Variants in CAP2 observed in about 807,000 individuals in gnomAD.
CAP2 encodes the protein adenylyl cyclase-associated protein 2.
CAP2 carries 24 observed loss-of-function variants against 57.7 expected under a neutral mutation model. The ratio of observed to expected loss-of-function variants is 0.42; its 90% CI spans 0.30 to 0.58. The LOEUF is 0.58. CAP2 is among the 20% of genes least tolerant of loss of function. The pLI, the probability that CAP2 is intolerant of heterozygous loss-of-function variation, is 0.22. For missense variants in CAP2, 501 were observed against 590.3 expected (o/e 0.85, Z 1.57); for synonymous variants, 194 against 207.2 (o/e 0.94, Z 0.55).
intron 4 of CAP2, among the ~76,000 whole-genome samples, chr6:17,489,789 T>C (rs1485043129): frequency 1.3e-5 from 2 of 151,976 alleles, no homozygotes; most frequent in Non-Finnish European, 2.9e-5. Flanking sequence ...GGGAAAACTG[T>C]AGTGAGCAAA....
At chr6:17,444,804 C>CCACACA (rs142931025) in intron 3 of CAP2, among the ~76,000 whole-genome samples, 36,537 of 140,198 alleles carry the variant, frequency 0.26, 5,101 homozygotes, top group East Asian at 0.4. Context: ...TTCTCTCTCT[C>CCACACA]CACACACACA....
intron 4 of CAP2, among the ~76,000 whole-genome samples, chr6:17,498,804 C>A (rs1176527425): frequency 1.3e-5 from 2 of 152,046 alleles, no homozygotes; most frequent in Non-Finnish European, 2.9e-5. Flanking sequence ...TCTCTGCTCA[C>A]CGCAAGCTCC....
intron 3 of CAP2, among the ~76,000 whole-genome samples, chr6:17,436,731 G>A (rs932702365): frequency 6.6e-6 from 1 of 152,026 alleles, no homozygotes; most frequent in Non-Finnish European, 1.5e-5. Context: ...GAGAATCCAG[G>A]AGCCAAGGAG....
chr6:17,474,185 C>CT (rs544909381), intron 4 of CAP2, among the ~76,000 whole-genome samples: 2,307 of 93,204 alleles, frequency 0.025, 91 homozygotes, highest in African/African-American at 0.029. Flanking sequence ...AAAAAACAGT[C>CT]TTTTTTTTTT....
In CAP2 at chr6:17,553,979, T is replaced by C. The variant is rs140265892; in HGVS notation, c.1350+2375T>C. 2.6e-5 allele frequency among the ~76,000 whole-genome samples: 4 copies of C among 152,322 alleles called. No individual in the cohort carries two copies. The East Asian group carries it at 7.7e-4, about 29-fold the overall frequency. The stretch of plus-strand genomic sequence containing the variant: ...ATCCAGAAGAGCCCCAGAAGGAATA[T>C]TGGCTGCACAAACACACACGTTATT... On this transcript the variant is annotated intron_variant, in intron 12 of 12. Coordinates refer to ENST00000229922, the MANE Select transcript of CAP2 (RefSeq NM_006366.3).
chr6:17,493,825 C>T (rs1761600803), intron 4 of CAP2, among the ~76,000 whole-genome samples: 2 of 151,428 alleles, frequency 1.3e-5, no homozygotes, highest in Non-Finnish European at 2.9e-5. Flanking sequence ...AGATATTACT[C>T]ATCAGTTGTG....
At chr6:17,498,021 CCT>C (rs1266932272) in intron 4 of CAP2, among the ~76,000 whole-genome samples, 1 of 152,204 alleles carries the variant, frequency 6.6e-6, no homozygotes, top group African/African-American at 2.4e-5. Flanking sequence ...CTTGACTTTT[CCT>C]CTCACATAAC....
chr6:17,424,075 A>T (rs947775815), intron 2 of CAP2, among the ~76,000 whole-genome samples: 1 of 150,500 alleles, frequency 6.6e-6, no homozygotes, highest in Admixed American at 6.6e-5. Context: ...AACAAAAGTT[A>T]TTTTTTTTTT....
chr6:17,450,010 C>T (rs953221792), intron 3 of CAP2, among the ~76,000 whole-genome samples: 1 of 151,894 alleles, frequency 6.6e-6, no homozygotes, highest in Non-Finnish European at 1.5e-5. Flanking sequence ...AAACAACCCA[C>T]AGAAATCATC....
intron 3 of CAP2, among the ~76,000 whole-genome samples, chr6:17,433,870 C>T (rs1432241954): frequency 1.3e-5 from 2 of 152,154 alleles, no homozygotes; most frequent in African/African-American, 2.4e-5. Flanking sequence ...AAGTTTGTTT[C>T]TAGAGCATAC....
rs1002775548 is a variant in CAP2, at chr6:17,547,220, AT to A, written c.1209+4078del. On this transcript the variant is annotated intron_variant, in intron 11 of 12. Coordinates refer to ENST00000229922, the MANE Select transcript of CAP2 (RefSeq NM_006366.3). ...ATTTATTGTACTTTATTAGGAGAAA[AT>A]AACAGTCTTATACCATTATGTAGAG... Among the ~76,000 whole-genome samples, 16 of 152,222 alleles carry A rather than the reference AT, an allele frequency of 1.1e-4. No individual in the cohort carries two copies. The East Asian group carries it at 2.7e-3, about 26-fold the overall frequency.
intron 1 of CAP2, among the ~76,000 whole-genome samples, chr6:17,396,252 A>G (rs1758661175): frequency 6.6e-6 from 1 of 152,214 alleles, no homozygotes; most frequent in South Asian, 2.1e-4. Context: ...CAGTTCTTCA[A>G]ATTAAACATA....
At chr6:17,507,436 T>G in intron 5 of CAP2, 124 bp downstream of exon 5, 1 of 1,026,002 alleles carries the variant, frequency 9.7e-7, no homozygotes, top group Non-Finnish European at 1.5e-6. Flanking sequence ...GCTGAATGCA[T>G]CCACTTTCTC....
intron 3 of CAP2, among the ~76,000 whole-genome samples, chr6:17,447,522 G>A (rs1298430717): frequency 2.0e-5 from 3 of 152,060 alleles, no homozygotes; most frequent in East Asian, 2.0e-4. Context: ...TTTCTGAGAC[G>A]GAGTCTTGCT....
intron 11 of CAP2, among the ~76,000 whole-genome samples, chr6:17,550,946 GAA>G: frequency 6.6e-6 from 1 of 152,230 alleles, no homozygotes; most frequent in Middle Eastern, 3.4e-3. Context: ...GGACTTATGT[GAA>G]AAGAATGGTA....
At chr6:17,482,063 G>C (rs1310688137) in intron 4 of CAP2, among the ~76,000 whole-genome samples, 1 of 152,162 alleles carries the variant, frequency 6.6e-6, no homozygotes, top group South Asian at 2.1e-4. Flanking sequence ...TGTTATCTCT[G>C]TTCCTAATTT....
chr6:17,470,102 C>T (rs972325663), intron 4 of CAP2, among the ~76,000 whole-genome samples: 1 of 152,180 alleles, frequency 6.6e-6, no homozygotes, highest in East Asian at 1.9e-4. Context: ...ATTTTCTACT[C>T]ATTAGCTCTG....
intron 3 of CAP2, among the ~76,000 whole-genome samples, chr6:17,447,121 C>T (rs1760279105): frequency 6.6e-6 from 1 of 150,536 alleles, no homozygotes; most frequent in South Asian, 2.1e-4. Flanking sequence ...CTCCTGGGCT[C>T]AAGAGATCCT....
At chr6:17,398,084 A>G (rs1402939537) in intron 1 of CAP2, among the ~76,000 whole-genome samples, 1 of 152,234 alleles carries the variant, frequency 6.6e-6, no homozygotes, top group Non-Finnish European at 1.5e-5. Context: ...CAACGTTTTA[A>G]GAAGTGTGGA....
Sources: gnomAD v4.1 joint callset for allele counts (sites outside exome capture counted in the v4.1 genomes callset) on GRCh38, gnomAD v4.1.1 for gene constraint, MANE v1.5 for transcripts, NCBI Gene and HGNC (gene_info 2026-07-23, HGNC 2026-07-21) for gene names.